Variants in PCDHGB2 observed in about 807,000 individuals in gnomAD.
PCDHGB2 encodes protocadherin gamma-B2.
In PCDHGB2, 55 loss-of-function variants were observed where a neutral mutation model predicts 59.3. The observed-to-expected ratio is 0.93, with a 90% CI of 0.75 to 1.16. PCDHGB2 has a LOEUF of 1.16. PCDHGB2 is among the 50% of genes most tolerant of loss of function. The pLI is 0.00. For missense variants in PCDHGB2, 1,228 were observed against 1,198.5 expected, an observed-to-expected ratio of 1.02 and a Z score of -0.36; for synonymous variants, 516 against 512.0, an observed-to-expected ratio of 1.01 and a Z score of -0.11.
chr5:141,472,770 G>C (rs953423129), intron 1 of PCDHGB2, among the ~76,000 whole-genome samples: 5 of 152,046 alleles, frequency 3.3e-5, no homozygotes, highest in Admixed American at 6.6e-5. Flanking sequence ...CAGATCACCT[G>C]AGGTTGGGAG....
At chr5:141,387,649 G>T (rs1020449158) in intron 1 of PCDHGB2, 13 of 640,184 alleles carry the variant, frequency 2.0e-5, no homozygotes, top group Non-Finnish European at 3.1e-5. Context: ...TGGCCAAAGT[G>T]GAGAGCTTGG....
chr5:141,455,533 T>C (rs1232689740), intron 1 of PCDHGB2, among the ~76,000 whole-genome samples: 1 of 152,134 alleles, frequency 6.6e-6, no homozygotes, highest in African/African-American at 2.4e-5. Flanking sequence ...TGACCAGGCA[T>C]ATCATTCACG....
chr5:141,446,173 G>A (rs2098491860), intron 1 of PCDHGB2, among the ~76,000 whole-genome samples: 1 of 152,076 alleles, frequency 6.6e-6, no homozygotes, highest in East Asian at 1.9e-4. Context: ...TGAGGGCAGG[G>A]GGTGTTTTGT....
chr5:141,426,394 A>G (rs1353766048), intron 1 of PCDHGB2: 1 of 258,122 alleles, frequency 3.9e-6, no homozygotes, highest in African/African-American at 2.2e-5. Flanking sequence ...CCGCTACTCT[A>G]TTCCAGAAGA....
At chr5:141,457,475 G>T (rs1203288452) in intron 1 of PCDHGB2, among the ~76,000 whole-genome samples, 1 of 152,142 alleles carries the variant, frequency 6.6e-6, no homozygotes, top group East Asian at 1.9e-4. Flanking sequence ...AATAAGCAGG[G>T]CCAGGGTTAG....
Position 141,413,755 on chromosome 5 carries a change from A to T in PCDHGB2, c.2421+51199A>T, listed in dbSNP as rs199577406. On this transcript the variant is annotated intron_variant, in intron 1 of 3. Transcript: ENST00000522605. ...AGTTCAGAGCCGTGCCAATGGCGTC[A>T]AGTACCCGGAGCTGGTACTGGAGCA... 1.6e-4 allele frequency: 266 copies of T among 1,612,936 alleles called. 3 individuals carry two copies. In the South Asian group the frequency reaches 2.3e-3, roughly 14 times the overall value.
chr5:141,469,372 C>T (rs780872014), intron 1 of PCDHGB2, among the ~76,000 whole-genome samples: 2 of 151,990 alleles, frequency 1.3e-5, no homozygotes, highest in African/African-American at 2.4e-5. Context: ...GTAAAGAGAT[C>T]GAGACCATCC....
rs1018384314 is a variant in PCDHGB2 at position 141,490,427 on chromosome 5, A to G, written c.2422-4380A>G. On this transcript the variant is annotated intron_variant, in intron 1 of 3. Coordinates refer to ENST00000522605, the MANE Select transcript of PCDHGB2 (RefSeq NM_018923.3). This position sits in a 1 kb window ranked among gnomAD's most constrained non-coding sequence, Gnocchi z 5.4. ...GATATCTCTCCGGACCTGCCATTTCAGATTAAGCCTTCTGAGAACCACTAC... is the reference window on the plus strand; with the variant it reads ...GATATCTCTCCGGACCTGCCATTTCGGATTAAGCCTTCTGAGAACCACTAC... 6.2e-7 allele frequency: 1 copy of G among 1,614,092 alleles called. No individual in the cohort carries two copies.
chr5:141,393,708 G>A, intron 1 of PCDHGB2: 2 of 1,613,788 alleles, frequency 1.2e-6, no homozygotes, highest in South Asian at 1.1e-5. Context: ...TGAAAATACT[G>A]GGGAAATATC....
rs191184566 is a variant in PCDHGB2 at position 141,373,694 on chromosome 5, A to G, written c.2421+11138A>G. Among the ~76,000 whole-genome samples the G allele has an allele frequency of 1.4e-4, 21 of 152,388 alleles. No individual in the cohort carries two copies. The Middle Eastern group carries it at 0.014, about 99-fold the overall frequency. ...GAATGGTAAACTTCAGAGAACATTTAAAATTATTCAAAATAATCTCTTACA... is the reference window on the plus strand; with the variant it reads ...GAATGGTAAACTTCAGAGAACATTTGAAATTATTCAAAATAATCTCTTACA... On this transcript the variant is annotated intron_variant, in intron 1 of 3. Transcript: ENST00000522605.
intron 1 of PCDHGB2, among the ~76,000 whole-genome samples, chr5:141,443,728 C>A (rs1434984241): frequency 1.3e-5 from 2 of 152,060 alleles, no homozygotes; most frequent in African/African-American, 2.4e-5. Flanking sequence ...ATTCCTCATA[C>A]ATTTCCCTAT....
Position 141,476,468 on chromosome 5 carries a change from C to T in PCDHGB2, c.2422-18339C>T. 6.2e-7 allele frequency: 1 copy of T among 1,614,132 alleles called. No homozygotes were observed. Among genetic ancestry groups the T allele is most frequent in the Non-Finnish European group, 8.5e-7 (1 of 1,180,022 alleles). On this transcript the variant is annotated intron_variant, in intron 1 of 3. Coordinates refer to ENST00000522605, the MANE Select transcript of PCDHGB2 (RefSeq NM_018923.3). The surrounding 1 kb of genome is among the most constrained non-coding windows in gnomAD (Gnocchi z 7.6). ...GTTGGTAGTGGAGAACCCGCTGGAG[C>T]TGTTCAGCGTGGAAGTGGTGATCCA...
In PCDHGB2 at chr5:141,485,145, A is replaced by G. The variant is rs766014792; in HGVS notation, c.2422-9662A>G. On this transcript the variant is annotated intron_variant, in intron 1 of 3. Coordinates refer to ENST00000522605, the MANE Select transcript of PCDHGB2 (RefSeq NM_018923.3). The surrounding 1 kb of genome is among the most constrained non-coding windows in gnomAD (Gnocchi z 5.7). Reference sequence around the variant, plus strand: ...GGGTCGGCTTCATCCGCGTCTCAGGAGCAAGTAGAGAATTAGCGGGCGGCA... The same window carrying G: ...GGGTCGGCTTCATCCGCGTCTCAGGGGCAAGTAGAGAATTAGCGGGCGGCA... The G allele has an allele frequency of 4.5e-6, 7 of 1,567,410 alleles. No individual in the cohort carries two copies. Among genetic ancestry groups the G allele is most frequent in the Non-Finnish European group, 6.1e-6 (7 of 1,142,014 alleles).
chr5:141,441,887 A>G, intron 1 of PCDHGB2: 1 of 344,596 alleles, frequency 2.9e-6, no homozygotes, highest in African/African-American at 2.2e-5. Context: ...CTGGTCACCA[A>G]GGTGGTGGCT....
At chr5:141,381,820 C>CTTTCTTTCTTTCTTTCT (rs1279410534) in intron 1 of PCDHGB2, among the ~76,000 whole-genome samples, 49 of 119,880 alleles carry the variant, frequency 4.1e-4, no homozygotes, top group African/African-American at 1.5e-3. Flanking sequence ...TTCTTTCTTT[C>CTTTCTTTCTTTCTTTCT]TTCTTCTTTT....
chr5:141,421,665 C>G (rs1227312221), intron 1 of PCDHGB2: 4 of 1,613,854 alleles, frequency 2.5e-6, no homozygotes, highest in Non-Finnish European at 2.5e-6. Flanking sequence ...TCAGTGAGCA[C>G]GCAATTCCTG....
chr5:141,494,115 GC>G (rs1445167222), intron 1 of PCDHGB2, among the ~76,000 whole-genome samples: 1 of 152,186 alleles, frequency 6.6e-6, no homozygotes, highest in African/African-American at 2.4e-5. Context: ...AGACAGAGCA[GC>G]CTTGTTCTCT....
chr5:141,508,731 A>C (rs1596169554), intron 3 of PCDHGB2, among the ~76,000 whole-genome samples: 6 of 145,538 alleles, frequency 4.1e-5, no homozygotes, highest in African/African-American at 5.1e-5. Context: ...GGGAGACTAC[A>C]CCCCCCACCC....
At chr5:141,471,302 C>T (rs111827070) in intron 1 of PCDHGB2, 9,302 of 152,168 alleles carry the variant, frequency 0.061, 339 homozygotes, top group South Asian at 0.12. Flanking sequence ...CCACCCAACT[C>T]GGCCTCCCAA....
Sources: gnomAD v4.1 joint callset for allele counts (sites outside exome capture counted in the v4.1 genomes callset) on GRCh38, gnomAD v4.1.1 for gene constraint, Gnocchi (gnomAD v3.1) non-coding constraint, MANE v1.5 for transcripts, NCBI Gene and HGNC (gene_info 2026-07-23, HGNC 2026-07-21) for gene names.